The following LIN37 variants were observed in gnomAD, a reference collection of about 807,000 sequenced individuals.
LIN37 encodes protein lin-37 homolog.
In LIN37, 21 loss-of-function variants were observed where a neutral mutation model predicts 38.0. The observed-to-expected ratio is 0.55, with a 90% CI of 0.39 to 0.80. The LOEUF (loss-of-function observed/expected upper bound fraction) is 0.80, where lower values mean the gene tolerates loss of function less well. Among genes scored for constraint, LIN37 ranks in the 30% least tolerant of loss-of-function variants. The pLI, the probability that LIN37 is intolerant of heterozygous loss-of-function variation, is 0.00. For missense variants in LIN37, 273 were observed against 338.5 expected, an observed-to-expected ratio of 0.81 and a Z score of 1.52; for synonymous variants, 126 against 122.9, an observed-to-expected ratio of 1.03 and a Z score of -0.17.
At chr19:35,752,147 G>A (rs1258806368) in intron 1 of LIN37, 29 bp from the exon 2 acceptor site, 6 of 1,558,798 alleles carry the variant, frequency 3.8e-6, no homozygotes, top group Non-Finnish European at 5.2e-6. Context: ...CCTGGGAGCT[G>A]ACTCCTGCTG....
Position 35,752,440 on chromosome 19 carries a change from T to A in LIN37, c.117T>A (p.Arg39=). Residue 39 remains arginine, a synonymous_variant, in exon 3 of 9, where the codon CGT becomes CGA. Coordinates refer to ENST00000301159, the MANE Select transcript of LIN37 (RefSeq NM_019104.3). ...LLEKSHMDRE[R]LDEEAGKTPS... is the part of the protein sequence containing the mutation. ...AGATCTCTTCTGCCTCTAGGGAGCGTCTGGATGAGGAAGCTGGGAAAACAC... is the reference window on the plus strand; with the variant it reads ...AGATCTCTTCTGCCTCTAGGGAGCGACTGGATGAGGAAGCTGGGAAAACAC... The A allele has an allele frequency of 6.2e-7, 1 of 1,613,980 alleles. No homozygotes were observed. Among genetic ancestry groups the A allele is most frequent in the Non-Finnish European group, 8.5e-7 (1 of 1,179,876 alleles).
At chr19:35,752,291 G>A (rs1211540058) in intron 2 of LIN37, 40 bp downstream of exon 2, 1 of 1,584,428 alleles carries the variant, frequency 6.3e-7, no homozygotes, top group South Asian at 1.1e-5. Flanking sequence ...CACCCTGGTG[G>A]GTTGGGCCCT....
At position 35,753,108 on chromosome 19, in the gene LIN37, TC is replaced by T; in HGVS notation, c.300del (p.Phe100LeufsTer53). On this transcript the variant is annotated frameshift_variant, in exon 6 of 9. Coordinates refer to ENST00000301159, the MANE Select transcript of LIN37 (RefSeq NM_019104.3). LOFTEE classifies it high-confidence loss of function. ...CCAGACACATATGTGATCAAGCTGT[TC>T]GACCGGAGCGTGGACTTGGCCCAGT... ...QRSNTYVIKL[F>X]DRSVDLAQFS... 1 of 1,606,606 alleles carries T rather than the reference TC, an allele frequency of 6.2e-7. No individual in the cohort carries two copies. The highest frequency in any genetic ancestry group is 8.5e-7 in the Non-Finnish European group (1 of 1,176,734).
At position 35,752,060 on chromosome 19, in the gene LIN37, G is replaced by T. The variant is rs1970685655; in HGVS notation, c.35-116G>T. The T allele has an allele frequency of 5.4e-6, 4 of 737,770 alleles. No homozygotes were observed. In the Admixed American group the frequency reaches 6.7e-5, roughly 12 times the overall value. The allele number at this position is 737,770 out of a possible 1,614,324, so 45.7% of individuals were successfully genotyped here. On this transcript the variant is annotated intron_variant, in intron 1 of 8. Transcript: ENST00000301159. ...TGTTGCACCCTTTCAGGCTGCCTGGGCCTGGCTCTGAGATTGGCCAGGGCA... is the reference window on the plus strand; with the variant it reads ...TGTTGCACCCTTTCAGGCTGCCTGGTCCTGGCTCTGAGATTGGCCAGGGCA...
At chr19:35,750,323 C>T (rs1198849517) in intron 1 of LIN37, among the ~76,000 whole-genome samples, 1 of 152,118 alleles carries the variant, frequency 6.6e-6, no homozygotes, top group African/African-American at 2.4e-5. Context: ...TGCATCTGCC[C>T]AAGGCTTTGC....
chr19:35,749,079 G>T lies in LIN37; in HGVS notation c.34+321G>T, dbSNP rs114142197. ...TAAATTTTTAAAATATTTAAATAGA[G>T]ACGGAGTATCGCTATATTGCCCAGG... On this transcript the variant is annotated intron_variant, in intron 1 of 8. Transcript: ENST00000301159. The T allele has an allele frequency of 1.6e-3, 1,335 of 856,332 alleles. 20 individuals are homozygous for T. In the African/African-American group the frequency reaches 0.022, roughly 14 times the overall value. The allele number at this position is 856,332 out of a possible 1,614,324, so 53.0% of individuals were successfully genotyped here. A position where few individuals can be genotyped will look rare whatever the true frequency, so the allele number is the denominator to read the frequency against.
At chr19:35,753,392 C>A in intron 6 of LIN37, 139 bp downstream of exon 6, 1 of 999,818 alleles carries the variant, frequency 1.0e-6, no homozygotes, top group Non-Finnish European at 1.5e-6. Flanking sequence ...GCTAGGCACA[C>A]AGATGTGCAC....
chr19:35,751,645 A>G (rs1402433218), intron 1 of LIN37, among the ~76,000 whole-genome samples: 1 of 152,120 alleles, frequency 6.6e-6, no homozygotes, highest in African/African-American at 2.4e-5. Flanking sequence ...ACCGGACAAC[A>G]TCGTGATATC....
rs1036883127 is a variant in LIN37, at chr19:35,752,679, C to A, written c.162-125C>A. The A allele has an allele frequency of 3.6e-6, 5 of 1,393,642 alleles. No homozygotes were observed. In the African/African-American group the frequency reaches 4.3e-5, roughly 12 times the overall value. The allele number at this position is 1,393,642 out of a possible 1,614,324, so 86.3% of individuals were successfully genotyped here. ...TAGACCCCCATGGGTATGGGTGGGA[C>A]AAAAGGCCCAAGAGGCAAGTGGGGT... On this transcript the variant is annotated intron_variant, in intron 3 of 8. Transcript: ENST00000301159.
At chr19:35,749,457 T>G (rs1437341798) in intron 1 of LIN37, among the ~76,000 whole-genome samples, 1 of 151,594 alleles carries the variant, frequency 6.6e-6, no homozygotes, top group Non-Finnish European at 1.5e-5. Flanking sequence ...AGAAAGATAA[T>G]AGTAAAATGA....
intron 6 of LIN37, 45 bp downstream of exon 6, chr19:35,753,298 C>T: frequency 6.5e-7 from 1 of 1,537,138 alleles, no homozygotes; most frequent in Non-Finnish European, 8.7e-7. Context: ...GGTGCCAGGG[C>T]AGTGGGTGGA....
chr19:35,748,658 C>A lies in LIN37; in HGVS notation c.-67C>A. ...TTGAACTGTCCCCGCCTTCTCCCGC[C>A]TTGACTTGTGACCCTAGGCCCTTTG... On this transcript the variant is annotated 5_prime_UTR_variant, in exon 1 of 9. Transcript: ENST00000301159. The A allele has an allele frequency of 6.2e-7, 1 of 1,608,908 alleles. No individual in the cohort carries two copies. Among genetic ancestry groups the A allele is most frequent in the Non-Finnish European group, 8.5e-7 (1 of 1,175,392 alleles).
chr19:35,754,080 G>A lies in LIN37; in HGVS notation c.508G>A (p.Gly170Arg), dbSNP rs1970718329. 1.9e-6 allele frequency: 3 copies of A among 1,613,808 alleles called. No individual in the cohort carries two copies. The highest frequency in any genetic ancestry group is 2.2e-5 in the South Asian group (2 of 91,090). The change falls in exon 7 of 9, where the codon GGG becomes AGG. Residue 170 changes from glycine to arginine, a missense_variant. Physicochemically the swap from Gly to Arg is moderately radical, Grantham distance 125. Coordinates refer to ENST00000301159, the MANE Select transcript of LIN37 (RefSeq NM_019104.3). ...VYKLPPPTPPGPPGDACRSRI... is the reference protein window; with the variant it reads ...VYKLPPPTPPRPPGDACRSRI... ...CAAGCTGCCGCCACCCACACCCCCG[G>A]GGCCACCCGGAGATGCCTGCAGATC...
rs1353436125 is a variant in LIN37, at chr19:35,748,695, A to G, written c.-30A>G. The stretch of plus-strand genomic sequence containing the variant: ...CCCTAGGCCCTTTGGGGCGCCTCTG[A>G]CCCAGCTAGCCAGATCCCGGACCCA... On this transcript the variant is annotated 5_prime_UTR_variant, in exon 1 of 9. Transcript: ENST00000301159. 3.7e-6 allele frequency: 6 copies of G among 1,613,678 alleles called. No individual in the cohort carries two copies. The highest frequency in any genetic ancestry group is 1.3e-5 in the African/African-American group (1 of 74,994).
At position 35,751,632 on chromosome 19, in the gene LIN37, A is replaced by C. The variant is rs570698451; in HGVS notation, c.35-544A>C. Among the ~76,000 whole-genome samples, 11 of 152,338 alleles carry C rather than the reference A, an allele frequency of 7.2e-5. No homozygotes were observed. In the East Asian group the frequency reaches 1.9e-3, roughly 27 times the overall value. On this transcript the variant is annotated intron_variant, in intron 1 of 8. Coordinates refer to ENST00000301159, the MANE Select transcript of LIN37 (RefSeq NM_019104.3). Reference sequence around the variant, plus strand: ...CAGGACCGCTTGAGCCCAGGAGTTCAAAACCGGACAACATCGTGATATCCT... The same window carrying C: ...CAGGACCGCTTGAGCCCAGGAGTTCCAAACCGGACAACATCGTGATATCCT...
At position 35,754,395 on chromosome 19, in the gene LIN37, G is replaced by A; in HGVS notation, c.662G>A (p.Trp221Ter). The change falls in exon 9 of 9, where the codon TGG (tryptophan) becomes TAG (stop). Residue 221 changes from tryptophan (W) to a stop codon, truncating the protein, a stop_gained and splice_region_variant. Transcript: ENST00000301159. LOFTEE classifies it high-confidence loss of function. ...MQRWKRIRQR[W>*]KEASHRNQLR... Reference sequence around the variant, plus strand: ...GAGTCTCCCCTCTGCCTCCCCAGGTGGAAGGAGGCCTCTCATCGGAACCAG... The same window carrying A: ...GAGTCTCCCCTCTGCCTCCCCAGGTAGAAGGAGGCCTCTCATCGGAACCAG... The A allele has an allele frequency of 6.2e-7, 1 of 1,613,920 alleles. No individual in the cohort carries two copies. Among genetic ancestry groups the A allele is most frequent in the Non-Finnish European group, 8.5e-7 (1 of 1,179,786 alleles).
At chr19:35,752,661 C>T (rs1970694356) in intron 3 of LIN37, 143 bp from the exon 4 acceptor site, 1 of 1,310,786 alleles carries the variant, frequency 7.6e-7, no homozygotes, top group Non-Finnish European at 1.1e-6. Flanking sequence ...ACCTAGACCC[C>T]CATGGGTATG....
At chr19:35,752,572 T>C in intron 3 of LIN37, 88 bp downstream of exon 3, 7 of 1,420,166 alleles carry the variant, frequency 4.9e-6, no homozygotes, top group South Asian at 1.2e-5. Context: ...AGCCCAGCGC[T>C]ACCTCCATCG....
intron 6 of LIN37, 77 bp downstream of exon 6, chr19:35,753,330 C>T (rs2146527848): frequency 6.7e-7 from 1 of 1,481,910 alleles, no homozygotes; most frequent in Non-Finnish European, 9.1e-7. Flanking sequence ...GATCCTGCCC[C>T]TAAGCTAGTG....
Sources: allele counts gnomAD v4.1 joint callset (sites outside exome capture counted in the v4.1 genomes callset), GRCh38; gene constraint gnomAD v4.1.1; transcripts MANE v1.5; gene names NCBI Gene and HGNC (gene_info 2026-07-23, HGNC 2026-07-21).